Variants in ACOD1 observed in about 807,000 individuals in gnomAD.
The protein encoded by ACOD1 is cis-aconitate decarboxylase.
A neutral mutation model predicts 14.2 loss-of-function variants in ACOD1; 14 were observed. The ratio of observed to expected loss-of-function variants is 0.99; its 90% CI spans 0.65 to 1.54. The LOEUF is 1.54. Ranked by LOEUF, ACOD1 falls within the 40% of genes most tolerant of loss-of-function variation. The probability of loss-of-function intolerance (pLI) is 0.00; values close to 1 mark genes in which losing one functional copy is unlikely to be tolerated. For synonymous variants in ACOD1, 182 were observed against 221.7 expected, an observed-to-expected ratio of 0.82 and a Z score of 1.59; for missense variants, 530 against 586.3, an observed-to-expected ratio of 0.90 and a Z score of 0.99.
chr13:76,948,733 A>G (rs1024637307), intron 1 of ACOD1, among the ~76,000 whole-genome samples, 163 bp downstream of exon 1: 13 of 152,206 alleles, frequency 8.5e-5, no homozygotes, highest in Admixed American at 7.2e-4. Context: ...GGCTTTCATT[A>G]CTGTTTTACA....
rs34230053 is a variant in ACOD1 at position 76,955,126 on chromosome 13, CAAAAAAAAA to C, written c.265-175_265-167del. ...TAGGTGACAGAGCAAGACTCTGTCT[CAAAAAAAAA>C]AAAAAAAAAAAAAAAAAGAAAAAAA... On this transcript the variant is annotated intron_variant, in intron 3 of 4. Transcript: ENST00000377462. 4.2e-4 allele frequency among the ~76,000 whole-genome samples: 42 copies of C among 98,872 alleles called. 1 individual carries two copies. The highest frequency in any genetic ancestry group is 1.3e-3 in the Admixed American group (12 of 9,404). The allele number at this position is 98,872 out of a possible 152,430, so 64.9% of individuals were successfully genotyped here. A position where few individuals can be genotyped will look rare whatever the true frequency, so the allele number is the denominator to read the frequency against.
intron 1 of ACOD1, among the ~76,000 whole-genome samples, chr13:76,949,023 TG>T (rs1182568789): frequency 6.6e-6 from 1 of 152,138 alleles, no homozygotes; most frequent in Non-Finnish European, 1.5e-5. Flanking sequence ...CCCAGCACTT[TG>T]GGAGGCCGAG....
At position 76,957,556 on chromosome 13, in the gene ACOD1, T is replaced by C. The variant is rs1478982233; in HGVS notation, c.1017T>C (p.Cys339=). The change falls in exon 5 of 5, where the codon TGT becomes TGC. Residue 339 remains cysteine, a synonymous_variant. Coordinates refer to ENST00000377462, the MANE Select transcript of ACOD1 (RefSeq NM_001258406.2). ...EARHSFQYVA[C]AMLLDGGITV... ...GTCATTCATTCCAGTATGTGGCCTG[T>C]GCCATGCTGCTTGATGGTGGCATCA... 1 of 1,550,622 alleles carries C rather than the reference T, an allele frequency of 6.4e-7. No homozygotes were observed. Among genetic ancestry groups the C allele is most frequent in the Non-Finnish European group, 8.7e-7 (1 of 1,147,008 alleles).
chr13:76,949,537 G>T (rs909644206), intron 1 of ACOD1, among the ~76,000 whole-genome samples: 1 of 152,068 alleles, frequency 6.6e-6, no homozygotes, highest in Non-Finnish European at 1.5e-5. Flanking sequence ...GGATTCCAGG[G>T]CTCCACCTTC....
At chr13:76,949,716 C>T (rs2033805248) in intron 1 of ACOD1, among the ~76,000 whole-genome samples, 1 of 152,110 alleles carries the variant, frequency 6.6e-6, no homozygotes, top group African/African-American at 2.4e-5. Context: ...CTACATGCCC[C>T]CAGCTGTGGG....
rs1372066759 is a variant in ACOD1 at position 76,955,508 on chromosome 13, A to G, written c.454A>G (p.Asn152Asp). The G allele has an allele frequency of 4.5e-6, 7 of 1,550,552 alleles. No homozygotes were observed. The African/African-American group carries it at 8.2e-5, about 18-fold the overall frequency. The stretch of plus-strand genomic sequence containing the variant: ...ATTACTGCATTTCGCCAAGGAGGCC[A>G]ATGACATGCCAAAGAGGTATGGAGA... ...GRLLHFAKEA[N>D]DMPKRFHPPS... is the part of the protein sequence containing the mutation. The change falls in exon 4 of 5, where the codon AAT (asparagine) becomes GAT (aspartate). Residue 152 changes from asparagine to aspartate, a missense_variant. Asn to Asp is a conservative substitution (Grantham distance 23). Transcript: ENST00000377462.
chr13:76,951,484 C>T (rs559376004), intron 1 of ACOD1, among the ~76,000 whole-genome samples: 83 of 152,332 alleles, frequency 5.4e-4, no homozygotes, highest in African/African-American at 1.9e-3. Context: ...GATCCATCTG[C>T]CTTGGTCTCC....
rs900598744 is a variant in ACOD1, at chr13:76,952,684, C to T, written c.174+34C>T. On this transcript the variant is annotated intron_variant, in intron 2 of 4. Transcript: ENST00000377462. ...CTCAAGGTCTACATTAGAGATAAAACCCAGTGCATACATATGTGTTACATT... is the reference window on the plus strand; with the variant it reads ...CTCAAGGTCTACATTAGAGATAAAATCCAGTGCATACATATGTGTTACATT... The T allele has an allele frequency of 2.6e-6, 4 of 1,532,822 alleles. No homozygotes were observed. The African/African-American group carries it at 4.1e-5, about 16-fold the overall frequency. The allele number at this position is 1,532,822 out of a possible 1,614,324, so 95.0% of individuals were successfully genotyped here.
intron 1 of ACOD1, among the ~76,000 whole-genome samples, chr13:76,948,952 G>C (rs1204014082): frequency 6.6e-6 from 1 of 152,170 alleles, no homozygotes; most frequent in Non-Finnish European, 1.5e-5. Context: ...TGAGAGCTTA[G>C]AACAGTGCTG....
At chr13:76,952,432 C>T (rs1375128419) in intron 1 of ACOD1, 57 bp from the exon 2 acceptor site, 8 of 1,478,392 alleles carry the variant, frequency 5.4e-6, no homozygotes, top group Non-Finnish European at 7.3e-6. Flanking sequence ...TCTTATAGAA[C>T]AGAAGTGTGT....
chr13:76,955,415 A>G lies in ACOD1; in HGVS notation c.361A>G (p.Arg121Gly). Residue 121 changes from arginine (R) to glycine (G), a missense_variant, in exon 4 of 5, where the codon AGG becomes GGG. Arg to Gly is a moderately radical substitution (Grantham distance 125, BLOSUM62 -2). Coordinates refer to ENST00000377462, the MANE Select transcript of ACOD1 (RefSeq NM_001258406.2). ...VLTALAEALP[R>G]SPKFSGLDLL... ...CACAGCTTTAGCAGAAGCCCTGCCA[A>G]GGAGTCCAAAGTTTTCTGGCCTTGA... is the stretch of plus-strand genomic sequence containing the variant. The G allele has an allele frequency of 1.3e-6, 2 of 1,550,616 alleles. No individual in the cohort carries two copies. The highest frequency in any genetic ancestry group is 1.7e-6 in the Non-Finnish European group (2 of 1,147,006).
In ACOD1 at chr13:76,957,718, G is replaced by A; in HGVS notation, c.1179G>A (p.Lys393=). ...ILYCEISVTL[K]DGATFTDRSD... The stretch of plus-strand genomic sequence containing the variant: ...ACTGTGAAATAAGTGTCACCCTCAA[G>A]GATGGAGCCACCTTCACAGATCGCT... The change falls in exon 5 of 5, where the codon AAG becomes AAA. Residue 393 remains lysine (K), a synonymous_variant. Transcript: ENST00000377462. The A allele has an allele frequency of 6.4e-7, 1 of 1,550,668 alleles. No homozygotes were observed.
chr13:76,949,409 G>T (rs577878877), intron 1 of ACOD1, among the ~76,000 whole-genome samples: 2 of 152,144 alleles, frequency 1.3e-5, no homozygotes, highest in Non-Finnish European at 2.9e-5. Flanking sequence ...ATAGATGAAC[G>T]CAAGGACCAC....
rs149753299 is a variant in ACOD1 at position 76,955,585 on chromosome 13, T to C, written c.470+61T>C. On this transcript the variant is annotated intron_variant, in intron 4 of 4. Transcript: ENST00000377462. Reference sequence around the variant, plus strand: ...CATCCCCTTCATCTATCAATCATTATCTCCGTAGAGCTTTCTGACTTAGAG... The same window carrying C: ...CATCCCCTTCATCTATCAATCATTACCTCCGTAGAGCTTTCTGACTTAGAG... 3.6e-5 allele frequency: 51 copies of C among 1,434,840 alleles called. No individual in the cohort carries two copies. In the African/African-American group the frequency reaches 6.8e-4, roughly 19 times the overall value. 88.9% of individuals were successfully genotyped at this position (1,434,840 alleles called of 1,614,324 possible).
rs1352353075 is a variant in ACOD1 at position 76,957,921 on chromosome 13, C to G, written c.1382C>G (p.Pro461Arg). 1.9e-6 allele frequency: 3 copies of G among 1,549,610 alleles called. No homozygotes were observed. Among genetic ancestry groups the G allele is most frequent in the Non-Finnish European group, 2.6e-6 (3 of 1,146,578 alleles). Residue 461 changes from proline (P) to arginine (R), a missense_variant, in exon 5 of 5, where the codon CCC (proline) becomes CGC (arginine). Pro to Arg is a moderately radical substitution (Grantham distance 103, BLOSUM62 -2). Transcript: ENST00000377462. Reference protein sequence around the residue: ...CSVLTTLLKGPSPPEVASNSP... With the variant: ...CSVLTTLLKGRSPPEVASNSP... ...GTGTTAACTACACTTCTCAAAGGAC[C>G]CTCTCCACCAGAGGTAGCTTCAAAC...
intron 1 of ACOD1, among the ~76,000 whole-genome samples, chr13:76,952,208 C>A (rs541708080): frequency 9.9e-5 from 15 of 152,234 alleles, no homozygotes; most frequent in African/African-American, 3.4e-4. Context: ...CCTCCACCAC[C>A]ACCCATCACG....
intron 1 of ACOD1, among the ~76,000 whole-genome samples, chr13:76,949,037 G>A (rs778708594): frequency 6.6e-6 from 1 of 151,990 alleles, no homozygotes. Context: ...AGGCCGAGGC[G>A]GATGGATCAC....
In ACOD1 at chr13:76,957,608, A is replaced by C. The variant is rs1160632995; in HGVS notation, c.1069A>C (p.Ile357Leu). The C allele has an allele frequency of 3.2e-6, 5 of 1,550,516 alleles. No homozygotes were observed. In the African/African-American group the frequency reaches 6.8e-5, roughly 21 times the overall value. The change falls in exon 5 of 5, where the codon ATC becomes CTC. Residue 357 changes from isoleucine to leucine, a missense_variant. Transcript: ENST00000377462. ...ITVPSFHECQINRPQVRELLS... is the reference protein window; with the variant it reads ...ITVPSFHECQLNRPQVRELLS... ...TGTCCCCTCATTCCATGAATGCCAG[A>C]TCAACAGGCCACAGGTGAGAGAGCT...
chr13:76,948,699 G>A, intron 1 of ACOD1, 129 bp downstream of exon 1: 2 of 684,010 alleles, frequency 2.9e-6, no homozygotes, highest in Non-Finnish European at 5.0e-6. Flanking sequence ...TTCAACCTGT[G>A]GGCTACCTAA....
Sources: allele counts gnomAD v4.1 joint callset (sites outside exome capture counted in the v4.1 genomes callset), GRCh38; gene constraint gnomAD v4.1.1; transcripts MANE v1.5; gene names NCBI Gene and HGNC (gene_info 2026-07-23, HGNC 2026-07-21).